UGT1A8: variants seen among roughly 807,000 people sequenced by gnomAD.
The protein encoded by UGT1A8 is UDP glucuronosyltransferase family 1 member A8, also known as UDP-glucuronosyltransferase 1A8.
In UGT1A8, 39 loss-of-function variants were observed where a neutral mutation model predicts 45.3. That is an observed-to-expected ratio of 0.86 (90% CI 0.67 to 1.12). The LOEUF (loss-of-function observed/expected upper bound fraction) is 1.12, where lower values mean the gene tolerates loss of function less well. UGT1A8 is among the 50% of genes most tolerant of loss of function. The probability of loss-of-function intolerance (pLI) is 0.00; values close to 1 mark genes in which losing one functional copy is unlikely to be tolerated. For missense variants in UGT1A8, 719 were observed against 664.9 expected, an observed-to-expected ratio of 1.08 and a Z score of -0.90; for synonymous variants, 275 against 249.2, an observed-to-expected ratio of 1.10 and a Z score of -0.97.
In UGT1A8 at chr2:233,751,878, G is replaced by T. The variant is rs139907629; in HGVS notation, c.856-15156G>T. On this transcript the variant is annotated intron_variant, in intron 1 of 4. Transcript: ENST00000373450. ...GTCTTTTATAAATTACCCCGTCTTG[G>T]GTATGTCTTTATAGCAGTGTGAGAA... Among the ~76,000 whole-genome samples the T allele has an allele frequency of 2.6e-5, 4 of 152,104 alleles. No homozygotes were observed. In the East Asian group the frequency reaches 7.7e-4, roughly 29 times the overall value.
intron 1 of UGT1A8, among the ~76,000 whole-genome samples, chr2:233,619,283 A>G (rs971925094): frequency 3.9e-5 from 6 of 152,172 alleles, no homozygotes; most frequent in Admixed American, 3.9e-4. Flanking sequence ...AGTTCTTTTC[A>G]TAATTGCATA....
chr2:233,627,681 T>TTCCTTCCTTCC (rs1559314070), intron 1 of UGT1A8, among the ~76,000 whole-genome samples: 1 of 73,960 alleles, frequency 1.4e-5, no homozygotes, highest in African/African-American at 4.4e-5. Flanking sequence ...TCCTTCCTTC[T>TTCCTTCCTTCC]TTCTTTCTTT....
chr2:233,729,508 T>C (rs1302187819), intron 1 of UGT1A8: 3 of 1,614,204 alleles, frequency 1.9e-6, no homozygotes, highest in African/African-American at 1.3e-5. Flanking sequence ...TCATAGGTCT[T>C]GTGTGGAGCT....
At chr2:233,714,500 A>C (rs558780579) in intron 1 of UGT1A8, among the ~76,000 whole-genome samples, 48 of 152,320 alleles carry the variant, frequency 3.2e-4, no homozygotes, top group Admixed American at 1.4e-3. Context: ...ACACTACTTA[A>C]AAAAAATTCT....
intron 1 of UGT1A8, among the ~76,000 whole-genome samples, chr2:233,756,771 G>T (rs1424521769): frequency 2.0e-5 from 3 of 152,000 alleles, no homozygotes; most frequent in Admixed American, 6.5e-5. Flanking sequence ...TGGATTCTTT[G>T]CTTTGATAAA....
chr2:233,672,915 AT>A, intron 1 of UGT1A8: 1 of 1,501,300 alleles, frequency 6.7e-7, no homozygotes, highest in East Asian at 2.3e-5. Context: ...AGTTTAACAA[AT>A]TATTTTGTGC....
intron 1 of UGT1A8, among the ~76,000 whole-genome samples, chr2:233,642,274 GT>G (rs1365174071): frequency 2.0e-5 from 3 of 152,060 alleles, no homozygotes; most frequent in Non-Finnish European, 4.4e-5. Flanking sequence ...TATTTCTTGT[GT>G]TTGGTCCATT....
chr2:233,653,066 C>T (rs544006947), intron 1 of UGT1A8, among the ~76,000 whole-genome samples: 1 of 152,264 alleles, frequency 6.6e-6, no homozygotes, highest in African/African-American at 2.4e-5. Flanking sequence ...CATGTACGTG[C>T]CTGACATGGA....
At position 233,629,740 on chromosome 2, in the gene UGT1A8, T is replaced by C. The variant is rs576809402; in HGVS notation, c.855+11178T>C. Among the ~76,000 whole-genome samples, 80 of 152,282 alleles carry C rather than the reference T, an allele frequency of 5.3e-4. 1 individual carries two copies. Among genetic ancestry groups the C allele is most frequent in the African/African-American group, 1.7e-3 (69 of 41,566 alleles). On this transcript the variant is annotated intron_variant, in intron 1 of 4. Coordinates refer to ENST00000373450, the MANE Select transcript of UGT1A8 (RefSeq NM_019076.5). ...TTTGCTGGATTCATCAGTGTTGTCA[T>C]CTGAGCTTCACTTTGTTTTGTGTGG...
intron 1 of UGT1A8, among the ~76,000 whole-genome samples, chr2:233,647,568 G>C (rs1401170290): frequency 2.0e-5 from 3 of 152,160 alleles, no homozygotes; most frequent in Non-Finnish European, 4.4e-5. Context: ...AATTTAAAAG[G>C]TACAGATTAT....
At chr2:233,754,319 C>A in intron 1 of UGT1A8, 1 of 236,458 alleles carries the variant, frequency 4.2e-6, no homozygotes, top group Non-Finnish European at 8.4e-6. Flanking sequence ...CATTGTCTGC[C>A]TCAGGCTTAA....
chr2:233,656,548 A>C (rs908825933), intron 1 of UGT1A8, among the ~76,000 whole-genome samples: 6 of 152,200 alleles, frequency 3.9e-5, no homozygotes, highest in Non-Finnish European at 7.3e-5. Flanking sequence ...TTATTCTTTA[A>C]GTGTAGGCGC....
At chr2:233,654,961 G>A (rs1433878617) in intron 1 of UGT1A8, among the ~76,000 whole-genome samples, 1 of 152,040 alleles carries the variant, frequency 6.6e-6, no homozygotes, top group South Asian at 2.1e-4. Context: ...GTGTATGGCG[G>A]GCATCTGTAA....
intron 1 of UGT1A8, chr2:233,636,633 C>T: frequency 6.2e-7 from 1 of 1,614,140 alleles, no homozygotes; most frequent in Non-Finnish European, 8.5e-7. Flanking sequence ...ATGGGAGTCA[C>T]TGGTTCACCA....
At chr2:233,679,313 C>G (rs1461081979) in intron 1 of UGT1A8, among the ~76,000 whole-genome samples, 1 of 152,196 alleles carries the variant, frequency 6.6e-6, no homozygotes, top group African/African-American at 2.4e-5. Flanking sequence ...TGGAACCAAT[C>G]CAGAAAACGC....
intron 1 of UGT1A8, among the ~76,000 whole-genome samples, chr2:233,629,159 CTT>C (rs1157264619): frequency 3.3e-5 from 5 of 152,100 alleles, no homozygotes; most frequent in African/African-American, 1.2e-4. Context: ...GCATTCCACT[CTT>C]TTATTCTACG....
chr2:233,658,137 G>A (rs1293002360), intron 1 of UGT1A8, among the ~76,000 whole-genome samples: 2 of 151,470 alleles, frequency 1.3e-5, no homozygotes, highest in African/African-American at 4.9e-5. Flanking sequence ...TTGTGCCTCA[G>A]CCTCCTGAGT....
At chr2:233,725,263 A>AGGC (rs1472327737) in intron 1 of UGT1A8, among the ~76,000 whole-genome samples, 4 of 34,258 alleles carry the variant, frequency 1.2e-4, no homozygotes, top group Non-Finnish European at 2.1e-4. Flanking sequence ...GCAGAGGCAG[A>AGGC]GGAGGCAGAG....
At chr2:233,646,999 G>A (rs570626943) in intron 1 of UGT1A8, among the ~76,000 whole-genome samples, 2 of 152,334 alleles carry the variant, frequency 1.3e-5, no homozygotes, top group South Asian at 4.1e-4. Context: ...GTTCCACATG[G>A]CTGGGGAGGC....
Sources: allele counts gnomAD v4.1 joint callset (sites outside exome capture counted in the v4.1 genomes callset), GRCh38; gene constraint gnomAD v4.1.1; transcripts MANE v1.5; gene names NCBI Gene and HGNC (gene_info 2026-07-23, HGNC 2026-07-21).